Variants in TENM4 observed in about 807,000 individuals in gnomAD.
TENM4 encodes the protein teneurin-4.
Under a neutral mutation model 243.3 loss-of-function variants are expected in TENM4, and 82 were observed. That is an observed-to-expected ratio of 0.34 (90% CI 0.28 to 0.40). The LOEUF is 0.40. Among genes scored for constraint, TENM4 ranks in the 10% least tolerant of loss-of-function variants. TENM4 has a pLI of 1.00. For synonymous variants in TENM4, 1,412 were observed against 1,456.3 expected (o/e 0.97, Z 0.69); for missense variants, 3,138 against 3,673.3 (o/e 0.85, Z 3.77).
At chr11:79,019,270 AAAGATGG>A (rs1420985937) in intron 6 of TENM4, among the ~76,000 whole-genome samples, 1 of 152,212 alleles carries the variant, frequency 6.6e-6, no homozygotes. Flanking sequence ...AGGCAGAAGA[AAAGATGG>A]AAGTTAGTGC....
intron 10 of TENM4, among the ~76,000 whole-genome samples, chr11:78,859,580 C>T (rs1020175653): frequency 1.3e-5 from 2 of 151,946 alleles, no homozygotes; most frequent in Middle Eastern, 3.3e-3. Flanking sequence ...TCAATCATAG[C>T]CTTTACTTTC....
intron 2 of TENM4, among the ~76,000 whole-genome samples, chr11:79,260,175 A>G (rs1318888095): frequency 6.6e-6 from 1 of 152,214 alleles, no homozygotes; most frequent in African/African-American, 2.4e-5. Flanking sequence ...GGCATCGGTG[A>G]GCCGATAGTC....
chr11:78,966,846 C>G (rs891160836), intron 6 of TENM4, among the ~76,000 whole-genome samples: 1 of 152,174 alleles, frequency 6.6e-6, no homozygotes, highest in Non-Finnish European at 1.5e-5. Flanking sequence ...CTTGCTGAGA[C>G]ACGCTGGCCT....
At chr11:78,738,980 G>A (rs1855861608) in intron 19 of TENM4, among the ~76,000 whole-genome samples, 1 of 151,822 alleles carries the variant, frequency 6.6e-6, no homozygotes, top group East Asian at 1.9e-4. Flanking sequence ...CCAGTTCTTT[G>A]AGGCTTTTTT....
chr11:78,873,414 T>C (rs1347666352), intron 9 of TENM4, among the ~76,000 whole-genome samples: 1 of 152,150 alleles, frequency 6.6e-6, no homozygotes, highest in Non-Finnish European at 1.5e-5. Flanking sequence ...CAAAGCCCAA[T>C]GGGGTAAGTA....
At chr11:79,059,676 C>G (rs1034764927) in intron 6 of TENM4, among the ~76,000 whole-genome samples, 1 of 152,138 alleles carries the variant, frequency 6.6e-6, no homozygotes, top group African/African-American at 2.4e-5. Flanking sequence ...GGTTGTGCAT[C>G]CATTACTCTT....
intron 29 of TENM4, among the ~76,000 whole-genome samples, chr11:78,684,145 T>C (rs1311519486): frequency 6.6e-6 from 1 of 152,240 alleles, no homozygotes; most frequent in Non-Finnish European, 1.5e-5. Context: ...GCTCCGTTAA[T>C]GAACAAATTC....
At chr11:79,036,983 T>G (rs1388709050) in intron 6 of TENM4, among the ~76,000 whole-genome samples, 1 of 125,344 alleles carries the variant, frequency 8.0e-6, no homozygotes, top group Non-Finnish European at 1.6e-5. Context: ...GCCACTGCAC[T>G]CCAGCCTGGG....
intron 9 of TENM4, among the ~76,000 whole-genome samples, chr11:78,887,002 T>C (rs1855561468): frequency 6.6e-6 from 1 of 152,180 alleles, no homozygotes; most frequent in African/African-American, 2.4e-5. Context: ...ACAGGTAAGC[T>C]TCTACTCCTC....
chr11:79,064,536 A>G lies in TENM4; in HGVS notation c.493+202T>C, dbSNP rs1244674757. Reference sequence around the variant, plus strand: ...CCTCCCTAATCCGGAAGCAAAGAGCAGCGACCCAATCTCTGGCATGTCACT... The same window carrying G: ...CCTCCCTAATCCGGAAGCAAAGAGCGGCGACCCAATCTCTGGCATGTCACT... On this transcript the variant is annotated intron_variant, in intron 6 of 33. Transcript: ENST00000278550. 2.1e-5 allele frequency: 14 copies of G among 678,018 alleles called. No homozygotes were observed. The Admixed American group carries it at 3.8e-4, about 19-fold the overall frequency. The allele number at this position is 678,018 out of a possible 1,614,324, so 42.0% of individuals were successfully genotyped here. A position where few individuals can be genotyped will look rare whatever the true frequency, so the allele number is the denominator to read the frequency against.
chr11:78,747,454 T>C (rs1054268841), intron 19 of TENM4, among the ~76,000 whole-genome samples: 2 of 152,210 alleles, frequency 1.3e-5, no homozygotes, highest in South Asian at 4.1e-4. Flanking sequence ...GTTGAGCAGC[T>C]GGGGCTGCTC....
At chr11:79,206,428 C>T (rs1271862565) in intron 3 of TENM4, among the ~76,000 whole-genome samples, 1 of 152,152 alleles carries the variant, frequency 6.6e-6, no homozygotes, top group African/African-American at 2.4e-5. Flanking sequence ...GATAATGAGG[C>T]CCTCCCTGAT....
chr11:78,914,012 A>G (rs76629247), intron 6 of TENM4, among the ~76,000 whole-genome samples: 1,884 of 152,258 alleles, frequency 0.012, 18 homozygotes, highest in African/African-American at 0.027. Flanking sequence ...GAAAAACGCT[A>G]AACGCCTTAT....
chr11:78,704,060 CACACAT>C (rs1440569546), intron 27 of TENM4, among the ~76,000 whole-genome samples: 12 of 147,456 alleles, frequency 8.1e-5, no homozygotes, highest in African/African-American at 2.0e-4. Context: ...CACACACACA[CACACAT>C]ATATATATAA....
chr11:78,895,692 G>C (rs1855776670), intron 7 of TENM4, among the ~76,000 whole-genome samples: 1 of 152,172 alleles, frequency 6.6e-6, no homozygotes, highest in South Asian at 2.1e-4. Flanking sequence ...CTGCTGCTGA[G>C]AGCTCAAGTG....
intron 1 of TENM4, among the ~76,000 whole-genome samples, chr11:79,318,620 A>T (rs1160993516): frequency 6.6e-6 from 1 of 152,182 alleles, no homozygotes; most frequent in Non-Finnish European, 1.5e-5. Flanking sequence ...ATTTCCACCT[A>T]TTTACCTGTT....
chr11:79,295,859 T>TG (rs1491109551), intron 2 of TENM4, among the ~76,000 whole-genome samples: 134 of 8,196 alleles, frequency 0.016, no homozygotes, highest in Middle Eastern at 0.5. Context: ...CCCGTAAGTG[T>TG]TTTTTTTTTT....
intron 3 of TENM4, among the ~76,000 whole-genome samples, chr11:79,178,596 A>T (rs550018383): frequency 6.6e-6 from 1 of 152,364 alleles, no homozygotes; most frequent in East Asian, 1.9e-4. Flanking sequence ...AGTTTGAGTC[A>T]TATGAGGACT....
rs75437541 is a variant in TENM4 at position 79,019,976 on chromosome 11, C to T, written c.493+44762G>A. 2.4e-3 allele frequency among the ~76,000 whole-genome samples: 371 copies of T among 152,312 alleles called. 2 individuals are homozygous for T. Among genetic ancestry groups the T allele is most frequent in the African/African-American group, 8.6e-3 (359 of 41,560 alleles). Reference sequence around the variant, plus strand: ...AGTACCTGGTATTCTGTTGCTATTACTTTTCTCAATATCCCACCACCCTGC... The same window carrying T: ...AGTACCTGGTATTCTGTTGCTATTATTTTTCTCAATATCCCACCACCCTGC... On this transcript the variant is annotated intron_variant, in intron 6 of 33. Coordinates refer to ENST00000278550, the MANE Select transcript of TENM4 (RefSeq NM_001098816.3).
Sources: allele counts gnomAD v4.1 joint callset (sites outside exome capture counted in the v4.1 genomes callset), GRCh38; gene constraint gnomAD v4.1.1; transcripts MANE v1.5; gene names NCBI Gene and HGNC (gene_info 2026-07-23, HGNC 2026-07-21).